Variants in TLN2 observed in about 807,000 individuals in gnomAD.
The protein encoded by TLN2 is talin-2.
Under a neutral mutation model 294.7 loss-of-function variants are expected in TLN2, and 118 were observed. That is an observed-to-expected ratio of 0.40 (90% CI 0.34 to 0.47). The LOEUF (loss-of-function observed/expected upper bound fraction) is 0.47, where lower values mean the gene tolerates loss of function less well. Ranked by LOEUF, TLN2 falls within the 20% of genes least tolerant of loss-of-function variation. TLN2 has a pLI of 0.84. For synonymous variants in TLN2, 1,431 were observed against 1,304.5 expected (o/e 1.10, Z -2.09); for missense variants, 3,083 against 3,282.2 (o/e 0.94, Z 1.48).
intron 57 of TLN2, among the ~76,000 whole-genome samples, chr15:62,836,541 G>A (rs891624412): frequency 6.6e-6 from 1 of 152,192 alleles, no homozygotes; most frequent in African/African-American, 2.4e-5. Context: ...CTAACTCGGT[G>A]CCTGCTTCAG....
At chr15:62,615,094 C>A (rs780929415) in intron 2 of TLN2, among the ~76,000 whole-genome samples, 1 of 152,128 alleles carries the variant, frequency 6.6e-6, no homozygotes, top group Non-Finnish European at 1.5e-5. Context: ...GTGTGAGCCA[C>A]CACGCCTGGC....
rs915387756 is a variant in TLN2, at chr15:62,824,659, G to A, written c.7002+4049G>A. Among the ~76,000 whole-genome samples the A allele has an allele frequency of 2.0e-5, 3 of 152,160 alleles. 1 individual carries two copies. Among genetic ancestry groups the A allele is most frequent in the Non-Finnish European group, 4.4e-5 (3 of 68,032 alleles). On this transcript the variant is annotated intron_variant, in intron 54 of 58. Coordinates refer to ENST00000636159, the MANE Select transcript of TLN2 (RefSeq NM_015059.3). ...TGTTATAGGTTAACTTGTCAGTGGA[G>A]GTTGGTAATATTTAGAATAAGCCAA...
At chr15:62,425,364 C>T (rs7179091) in intron 1 of TLN2, among the ~76,000 whole-genome samples, 29,060 of 152,084 alleles carry the variant, frequency 0.19, 2,907 homozygotes, top group Non-Finnish European at 0.22. Flanking sequence ...CTTGTGTCCT[C>T]TGAGCTCTAC....
intron 9 of TLN2, among the ~76,000 whole-genome samples, chr15:62,663,814 G>A (rs1483577460): frequency 1.3e-5 from 2 of 152,074 alleles, no homozygotes; most frequent in East Asian, 3.9e-4. Context: ...ATGTTAATGG[G>A]TAGGAAGACT....
chr15:62,536,933 T>G (rs2041387029), intron 1 of TLN2, among the ~76,000 whole-genome samples: 1 of 152,184 alleles, frequency 6.6e-6, no homozygotes, highest in African/African-American at 2.4e-5. Flanking sequence ...AATCTACTCT[T>G]CTAGCTGCTT....
chr15:62,401,114 A>G (rs1015910598), intron 1 of TLN2, among the ~76,000 whole-genome samples: 2 of 152,154 alleles, frequency 1.3e-5, no homozygotes, highest in East Asian at 1.9e-4. Flanking sequence ...TCAGTGACAC[A>G]TAAGTGTTTG....
chr15:62,738,587 G>A (rs1427907968), intron 30 of TLN2, among the ~76,000 whole-genome samples: 2 of 152,196 alleles, frequency 1.3e-5, no homozygotes, highest in Non-Finnish European at 2.9e-5. Context: ...GACAGGCAAA[G>A]GGGTATGTGA....
At chr15:62,708,914 G>T in intron 21 of TLN2, 118 bp downstream of exon 21, 1 of 1,247,544 alleles carries the variant, frequency 8.0e-7, no homozygotes, top group Non-Finnish European at 1.1e-6. Flanking sequence ...GTTCTCTTCA[G>T]TCTCAAAGAC....
At chr15:62,487,511 A>G (rs1303803448) in intron 1 of TLN2, among the ~76,000 whole-genome samples, 1 of 152,144 alleles carries the variant, frequency 6.6e-6, no homozygotes, top group Non-Finnish European at 1.5e-5. Context: ...GCTGACCCGC[A>G]GACCTATTGT....
At chr15:62,637,087 A>G (rs2050453938) in intron 3 of TLN2, 2 of 152,226 alleles carry the variant, frequency 1.3e-5, no homozygotes. Flanking sequence ...CTGAGATTGT[A>G]TAGGCTGGCC....
chr15:62,766,376 C>T lies in TLN2; in HGVS notation c.5150C>T (p.Pro1717Leu). ...CAGGAAATCGGACACCTTATCGATC[C>T]CATCGCCACAGCGGCTCGGGGAGAA... ...VVQEIGHLID[P>L]IATAARGEAA... is the part of the protein sequence containing the mutation. The change falls in exon 41 of 59, where the codon CCC becomes CTC. Residue 1717 changes from proline to leucine, a missense_variant. Pro to Leu is a moderately conservative substitution (Grantham distance 98). Transcript: ENST00000636159. 2.5e-6 allele frequency: 4 copies of T among 1,612,926 alleles called. No individual in the cohort carries two copies. Among genetic ancestry groups the T allele is most frequent in the Non-Finnish European group, 3.4e-6 (4 of 1,178,984 alleles).
At chr15:62,626,654 T>G (rs937358674) in intron 3 of TLN2, among the ~76,000 whole-genome samples, 4 of 152,206 alleles carry the variant, frequency 2.6e-5, no homozygotes, top group African/African-American at 9.6e-5. Flanking sequence ...AAGGCCACTC[T>G]GACATCACCT....
Position 62,707,176 on chromosome 15 carries a change from A to G in TLN2, c.2095A>G (p.Thr699Ala). ...AKNVAQVAED[T>A]VLQNRVIAAA... Reference sequence around the variant, plus strand: ...GAATGTTGCCCAAGTGGCCGAAGACACTGTCCTACAGAACAGGGTAATTGC... The same window carrying G: ...GAATGTTGCCCAAGTGGCCGAAGACGCTGTCCTACAGAACAGGGTAATTGC... The change falls in exon 20 of 59, where the codon ACT becomes GCT. Residue 699 changes from threonine to alanine, a missense_variant. By Grantham distance (58) the Thr-to-Ala change is moderately conservative. Coordinates refer to ENST00000636159, the MANE Select transcript of TLN2 (RefSeq NM_015059.3). 1.2e-6 allele frequency: 2 copies of G among 1,614,260 alleles called. No individual in the cohort carries two copies. Among genetic ancestry groups the G allele is most frequent in the Non-Finnish European group, 1.7e-6 (2 of 1,180,044 alleles).
intron 1 of TLN2, among the ~76,000 whole-genome samples, chr15:62,543,262 T>C (rs2041802398): frequency 6.6e-6 from 1 of 152,222 alleles, no homozygotes; most frequent in South Asian, 2.1e-4. Context: ...ATCAAATTGT[T>C]CAGAAACTCT....
rs549889211 is a variant in TLN2 at position 62,800,123 on chromosome 15, G to A, written c.6235-245G>A. ...CTGGCTAGGAGGTTTTACATAAGCT[G>A]CATGTTTGCACCTGACTTCTCCGTT... On this transcript the variant is annotated intron_variant, in intron 48 of 58. Coordinates refer to ENST00000636159, the MANE Select transcript of TLN2 (RefSeq NM_015059.3). Among the ~76,000 whole-genome samples the A allele has an allele frequency of 6.6e-5, 10 of 152,352 alleles. No individual in the cohort carries two copies. The East Asian group carries it at 1.9e-3, about 29-fold the overall frequency.
chr15:62,611,703 G>A (rs1308519316), intron 2 of TLN2, among the ~76,000 whole-genome samples: 1 of 152,150 alleles, frequency 6.6e-6, no homozygotes, highest in African/African-American at 2.4e-5. Flanking sequence ...CAAGCCTTCG[G>A]AGAGATTTTA....
chr15:62,803,593 G>A (rs2066077362), intron 50 of TLN2, among the ~76,000 whole-genome samples: 1 of 152,066 alleles, frequency 6.6e-6, no homozygotes, highest in Non-Finnish European at 1.5e-5. Flanking sequence ...ATTAAAAGAC[G>A]CTTATGCATT....
chr15:62,405,501 G>A (rs772037565), intron 1 of TLN2, among the ~76,000 whole-genome samples: 1 of 152,234 alleles, frequency 6.6e-6, no homozygotes, highest in Non-Finnish European at 1.5e-5. Flanking sequence ...CATTTAAAAT[G>A]CATACAGAAA....
chr15:62,815,750 T>C (rs1011450425), intron 52 of TLN2, among the ~76,000 whole-genome samples: 2 of 152,250 alleles, frequency 1.3e-5, no homozygotes, highest in Admixed American at 1.3e-4. Context: ...CAGAAGCTAA[T>C]AGCAGCATCC....
Sources: gnomAD v4.1 joint callset for allele counts (sites outside exome capture counted in the v4.1 genomes callset) on GRCh38, gnomAD v4.1.1 for gene constraint, MANE v1.5 for transcripts, NCBI Gene and HGNC (gene_info 2026-07-23, HGNC 2026-07-21) for gene names.